AGPS: variants seen among roughly 807,000 people sequenced by gnomAD.
AGPS encodes alkylglycerone phosphate synthase, also known as alkyldihydroxyacetonephosphate synthase, peroxisomal.
Under a neutral mutation model 90.7 loss-of-function variants are expected in AGPS, and 26 were observed. The ratio of observed to expected loss-of-function variants is 0.29; its 90% CI spans 0.21 to 0.40. AGPS has a LOEUF of 0.40. AGPS is among the 10% of genes least tolerant of loss of function. The probability of loss-of-function intolerance (pLI) is 1.00; values close to 1 mark genes in which losing one functional copy is unlikely to be tolerated. For synonymous variants in AGPS, 294 were observed against 285.3 expected (o/e 1.03, Z -0.31); for missense variants, 540 against 816.1 (o/e 0.66, Z 4.12).
intron 3 of AGPS, among the ~76,000 whole-genome samples, chr2:177,434,798 A>C (rs1477859030): frequency 6.6e-6 from 1 of 151,982 alleles, no homozygotes; most frequent in South Asian, 2.1e-4. Context: ...AGATTATTTA[A>C]TAGACTGACT....
chr2:177,491,865 A>G (rs1170232077), intron 11 of AGPS, among the ~76,000 whole-genome samples: 1 of 148,058 alleles, frequency 6.8e-6, no homozygotes, highest in African/African-American at 2.5e-5. Context: ...CGCTCACTGC[A>G]AACTCTGCTT....
intron 8 of AGPS, among the ~76,000 whole-genome samples, chr2:177,449,598 AT>A (rs1200280825): frequency 6.6e-6 from 1 of 151,266 alleles, no homozygotes; most frequent in Non-Finnish European, 1.5e-5. Context: ...TAATCTTTAT[AT>A]TTTTCTGTAG....
rs75612904 is a variant in AGPS at position 177,419,988 on chromosome 2, G to A, written c.261-281G>A. 1.9e-3 allele frequency among the ~76,000 whole-genome samples: 284 copies of A among 151,834 alleles called. 5 individuals are homozygous for A. The East Asian group carries it at 0.051, about 28-fold the overall frequency. ...ACAAAATGAGACATTTATATTTTAAGCATATCTTCTTCCTTTTTGCAACTT... is the reference window on the plus strand; with the variant it reads ...ACAAAATGAGACATTTATATTTTAAACATATCTTCTTCCTTTTTGCAACTT... On this transcript the variant is annotated intron_variant, in intron 1 of 19. Transcript: ENST00000264167.
At chr2:177,431,459 C>T (rs972479357) in intron 2 of AGPS, among the ~76,000 whole-genome samples, 2 of 152,106 alleles carry the variant, frequency 1.3e-5, no homozygotes, top group African/African-American at 4.8e-5. Flanking sequence ...GGTCTGACCT[C>T]AAATTTACCA....
At position 177,499,649 on chromosome 2, in the gene AGPS, T is replaced by C. The variant is rs1688502541; in HGVS notation, c.1394T>C (p.Val465Ala). ...FKGFDPNQLS[V>A]ATLLFEGDRE... ...GGATTTGACCCAAATCAGCTAAGTGTAGCCACATTACTGTTTGAGGGGGAT... is the reference window on the plus strand; with the variant it reads ...GGATTTGACCCAAATCAGCTAAGTGCAGCCACATTACTGTTTGAGGGGGAT... The change falls in exon 14 of 20, where the codon GTA (valine) becomes GCA (alanine). Residue 465 changes from valine (V) to alanine (A), a missense_variant. Val to Ala is a moderately conservative substitution (Grantham distance 64). Transcript: ENST00000264167. The C allele has an allele frequency of 6.2e-7, 1 of 1,611,726 alleles. No homozygotes were observed. The highest frequency in any genetic ancestry group is 1.7e-5 in the Admixed American group (1 of 59,936).
chr2:177,522,634 T>C (rs1202314130), intron 18 of AGPS, among the ~76,000 whole-genome samples: 2 of 152,118 alleles, frequency 1.3e-5, no homozygotes, highest in Non-Finnish European at 2.9e-5. Flanking sequence ...TTTGTATTTT[T>C]AGTAGAGACA....
At chr2:177,490,999 G>A (rs1198802776) in intron 11 of AGPS, among the ~76,000 whole-genome samples, 1 of 151,782 alleles carries the variant, frequency 6.6e-6, no homozygotes, top group Non-Finnish European at 1.5e-5. Context: ...GGGATTACAG[G>A]CATGCACCAC....
At chr2:177,417,286 T>C (rs945808093) in intron 1 of AGPS, among the ~76,000 whole-genome samples, 3 of 152,214 alleles carry the variant, frequency 2.0e-5, no homozygotes, top group Admixed American at 1.3e-4. Context: ...ATTAAAAATA[T>C]TGTATAAAAT....
chr2:177,493,298 G>T, intron 12 of AGPS, 99 bp downstream of exon 12: 1 of 1,058,862 alleles, frequency 9.4e-7, no homozygotes, highest in Non-Finnish European at 1.5e-6. Flanking sequence ...AAGAACGTCA[G>T]TCTTGCCTTT....
At chr2:177,438,615 G>A (rs566241606) in intron 5 of AGPS, among the ~76,000 whole-genome samples, 7 of 151,754 alleles carry the variant, frequency 4.6e-5, no homozygotes, top group Admixed American at 4.6e-4. Flanking sequence ...AGGTTTTTGT[G>A]AAGCCATAAG....
At chr2:177,410,186 CT>C (rs1411994732) in intron 1 of AGPS, among the ~76,000 whole-genome samples, 1 of 152,164 alleles carries the variant, frequency 6.6e-6, no homozygotes, top group Non-Finnish European at 1.5e-5. Context: ...ACTAGGGGTC[CT>C]TCTGTAAGCA....
chr2:177,431,313 A>G (rs989317709), intron 2 of AGPS, among the ~76,000 whole-genome samples: 1 of 152,134 alleles, frequency 6.6e-6, no homozygotes, highest in Non-Finnish European at 1.5e-5. Flanking sequence ...AAAGATCACA[A>G]GGCAAAGGGC....
chr2:177,451,862 G>A (rs965228275), intron 8 of AGPS, among the ~76,000 whole-genome samples: 1 of 152,046 alleles, frequency 6.6e-6, no homozygotes, highest in African/African-American at 2.4e-5. Flanking sequence ...TTAGTGACAT[G>A]CCACCAATTT....
intron 1 of AGPS, among the ~76,000 whole-genome samples, chr2:177,397,226 C>G (rs1685206559): frequency 6.6e-6 from 1 of 152,142 alleles, no homozygotes; most frequent in Non-Finnish European, 1.5e-5. Context: ...CATGAGCCAC[C>G]ACGTCTGGCC....
intron 13 of AGPS, among the ~76,000 whole-genome samples, chr2:177,499,291 C>A (rs1688490730): frequency 6.6e-6 from 1 of 151,766 alleles, no homozygotes; most frequent in African/African-American, 2.4e-5. Flanking sequence ...TATCATTCTG[C>A]AGTTTTTTAT....
intron 1 of AGPS, among the ~76,000 whole-genome samples, chr2:177,401,548 T>A (rs1014835597): frequency 2.1e-5 from 3 of 141,880 alleles, no homozygotes; most frequent in African/African-American, 7.7e-5. Flanking sequence ...TTAATTTTAA[T>A]TTTTTTTTTT....
At chr2:177,401,362 A>G (rs995041112) in intron 1 of AGPS, among the ~76,000 whole-genome samples, 2 of 152,104 alleles carry the variant, frequency 1.3e-5, no homozygotes, top group Admixed American at 1.3e-4. Flanking sequence ...AATTTATTCA[A>G]ATTAATAATT....
chr2:177,436,139 A>ATTTTTTTTTTTTTTTTTTTT (rs1172040227), intron 3 of AGPS, among the ~76,000 whole-genome samples: 2 of 82,124 alleles, frequency 2.4e-5, no homozygotes, highest in African/African-American at 4.7e-5. Flanking sequence ...GAAATGCTGA[A>ATTTTTTTTTTTTTTTTTTTT]TTTTTTTTTT....
intron 11 of AGPS, among the ~76,000 whole-genome samples, chr2:177,483,962 T>G (rs2105695580): frequency 6.6e-6 from 1 of 151,428 alleles, no homozygotes; most frequent in East Asian, 1.9e-4. Flanking sequence ...TGCAGAGCCT[T>G]ATGGTTTTGC....
Sources: allele counts gnomAD v4.1 joint callset (sites outside exome capture counted in the v4.1 genomes callset), GRCh38; gene constraint gnomAD v4.1.1; transcripts MANE v1.5; gene names NCBI Gene and HGNC (gene_info 2026-07-23, HGNC 2026-07-21).